Variants in ACTR3C observed in about 807,000 individuals in gnomAD.
The protein encoded by ACTR3C is actin related protein 3C, also known as actin-related protein 3C.
Under a neutral mutation model 26.3 loss-of-function variants are expected in ACTR3C, and 18 were observed. The observed-to-expected ratio is 0.68, with a 90% CI of 0.47 to 1.01. The LOEUF is 1.01. Among genes scored for constraint, ACTR3C ranks in the 50% least tolerant of loss-of-function variants. ACTR3C has a pLI of 0.00. For missense variants in ACTR3C, 184 were observed against 250.7 expected (o/e 0.73, Z 1.80); for synonymous variants, 55 against 94.5 (o/e 0.58, Z 2.42).
the ACTR3C span, among the ~76,000 whole-genome samples, chr7:150,007,913 T>C: frequency 2.0e-5 from 3 of 152,166 alleles, no homozygotes; most frequent in East Asian, 5.8e-4. Flanking sequence ...TAGAAAATGA[T>C]AGAACCAGGA....
At chr7:149,911,763 T>G in the ACTR3C span, among the ~76,000 whole-genome samples, 1 of 152,126 alleles carries the variant, frequency 6.6e-6, no homozygotes, top group Non-Finnish European at 1.5e-5. Context: ...CATTTTCGTA[T>G]TTTGAGTATA....
chr7:150,039,918 A>T, the ACTR3C span, among the ~76,000 whole-genome samples: 1 of 125,404 alleles, frequency 8.0e-6, no homozygotes, highest in Admixed American at 8.1e-5. Context: ...CTCCCCTGCG[A>T]TGAGGGTGCA....
chr7:150,255,825 T>C (rs775567823), intron 6 of ACTR3C, among the ~76,000 whole-genome samples: 6 of 152,230 alleles, frequency 3.9e-5, no homozygotes, highest in Non-Finnish European at 7.3e-5. Context: ...TTAAGAAATA[T>C]TGCAGGTTCT....
chr7:150,158,907 GCACA>G, the ACTR3C span, among the ~76,000 whole-genome samples: 738 of 147,020 alleles, frequency 5.0e-3, 6 homozygotes, highest in African/African-American at 0.017. Flanking sequence ...ACACACGTGC[GCACA>G]CACACGTGCA....
the ACTR3C span, among the ~76,000 whole-genome samples, chr7:149,942,559 G>A: frequency 6.6e-6 from 1 of 151,448 alleles, no homozygotes; most frequent in Non-Finnish European, 1.5e-5. Context: ...ATTGTCCAGA[G>A]ATCCCTTAAG....
intron 6 of ACTR3C, among the ~76,000 whole-genome samples, chr7:150,250,494 C>T (rs1430719357): frequency 1.3e-5 from 2 of 151,878 alleles, no homozygotes; most frequent in East Asian, 1.9e-4. Context: ...TGAGCCACTG[C>T]GCCCGGCCGA....
At chr7:150,029,397 C>CAAAAAAAAAAAAAA in the ACTR3C span, among the ~76,000 whole-genome samples, 5 of 35,402 alleles carry the variant, frequency 1.4e-4, no homozygotes, top group Non-Finnish European at 2.3e-4. Flanking sequence ...CAATCTTTAT[C>CAAAAAAAAAAAAAA]AAAAACAAAA....
At chr7:150,243,207 T>C (rs925004282), downstream of ACTR3C, among the ~76,000 whole-genome samples, 2 of 152,142 alleles carry the variant, frequency 1.3e-5, no homozygotes, top group Non-Finnish European at 2.9e-5. Flanking sequence ...TGTGAATTGA[T>C]TGCACTATAC....
At chr7:150,127,798 C>T in the ACTR3C span, among the ~76,000 whole-genome samples, 2 of 151,420 alleles carry the variant, frequency 1.3e-5, no homozygotes, top group Admixed American at 6.6e-5. Context: ...CCTATTTACA[C>T]AAGACCTAAT....
chr7:150,029,624 T>C, the ACTR3C span, among the ~76,000 whole-genome samples: 1 of 152,108 alleles, frequency 6.6e-6, no homozygotes, highest in East Asian at 1.9e-4. Context: ...TCCAGCAACA[T>C]TACTGCTTTT....
At chr7:150,117,895 G>C in the ACTR3C span, among the ~76,000 whole-genome samples, 2 of 152,232 alleles carry the variant, frequency 1.3e-5, no homozygotes, top group African/African-American at 4.8e-5. Context: ...GGAGCAGGCA[G>C]CAATCTTTGC....
At chr7:150,251,143 A>G (rs1563145713) in intron 6 of ACTR3C, among the ~76,000 whole-genome samples, 1 of 152,166 alleles carries the variant, frequency 6.6e-6, no homozygotes, top group African/African-American at 2.4e-5. Flanking sequence ...TGACCTGTCC[A>G]CCATGACCAG....
the ACTR3C span, among the ~76,000 whole-genome samples, chr7:150,090,911 G>A: frequency 1.3e-5 from 2 of 152,180 alleles, no homozygotes; most frequent in East Asian, 1.9e-4. Flanking sequence ...AGTGGCAGCC[G>A]CCTCTGGAGT....
the ACTR3C span, among the ~76,000 whole-genome samples, chr7:150,162,861 G>A: frequency 1.3e-5 from 2 of 152,076 alleles, no homozygotes; most frequent in Non-Finnish European, 2.9e-5. Flanking sequence ...GACATCAGAA[G>A]TACTAGTGGG....
At chr7:149,994,442 C>T in the ACTR3C span, among the ~76,000 whole-genome samples, 49 of 152,116 alleles carry the variant, frequency 3.2e-4, 1 homozygote, top group South Asian at 9.6e-3. Flanking sequence ...TACAAAAATA[C>T]AAAAATTAGC....
At chr7:149,886,411 A>G in the ACTR3C span, among the ~76,000 whole-genome samples, 1 of 152,230 alleles carries the variant, frequency 6.6e-6, no homozygotes, top group South Asian at 2.1e-4. Flanking sequence ...GGGGGGAGGA[A>G]GCAGATACTA....
the ACTR3C span, among the ~76,000 whole-genome samples, chr7:150,034,016 G>A: frequency 1.7e-4 from 26 of 151,522 alleles, no homozygotes; most frequent in Middle Eastern, 3.4e-3. Flanking sequence ...CCCCTGCGAT[G>A]GTGGTCCCAA....
chr7:150,093,637 G>A, the ACTR3C span, among the ~76,000 whole-genome samples: 1 of 150,872 alleles, frequency 6.6e-6, no homozygotes, highest in Admixed American at 6.6e-5. Context: ...CCCATAGCAT[G>A]ACTAGGCTCT....
the ACTR3C span, among the ~76,000 whole-genome samples, chr7:150,100,861 T>G: frequency 6.6e-6 from 1 of 151,380 alleles, no homozygotes; most frequent in Admixed American, 6.6e-5. Context: ...CATACCACCA[T>G]GCCCAGCTAA....
Sources: allele counts gnomAD v4.1 joint callset (sites outside exome capture counted in the v4.1 genomes callset), GRCh38; gene constraint gnomAD v4.1.1; transcripts MANE v1.5; gene names NCBI Gene and HGNC (gene_info 2026-07-23, HGNC 2026-07-21).